The following SASH1 variants were observed in gnomAD, a reference collection of about 807,000 sequenced individuals.
SASH1 encodes SAM and SH3 domain containing 1.
In SASH1, 44 loss-of-function variants were observed where a neutral mutation model predicts 125.2. That is an observed-to-expected ratio of 0.35 (90% CI 0.28 to 0.45). The LOEUF (loss-of-function observed/expected upper bound fraction) is 0.45, where lower values mean the gene tolerates loss of function less well. Among genes scored for constraint, SASH1 ranks in the 20% least tolerant of loss-of-function variants. SASH1 has a pLI of 1.00. For missense variants in SASH1, 1,426 were observed against 1,614.5 expected, an observed-to-expected ratio of 0.88 and a Z score of 2.00; for synonymous variants, 639 against 649.1, an observed-to-expected ratio of 0.98 and a Z score of 0.24.
chr6:148,452,579 T>G (rs1309689228), intron 4 of SASH1, among the ~76,000 whole-genome samples: 1 of 152,192 alleles, frequency 6.6e-6, no homozygotes, highest in Non-Finnish European at 1.5e-5. Flanking sequence ...TTATTCGAAT[T>G]CTTTACGCCT....
At chr6:148,199,688 C>T in the SASH1 span, among the ~76,000 whole-genome samples, 79 of 149,670 alleles carry the variant, frequency 5.3e-4, no homozygotes, top group East Asian at 0.014. Context: ...CAGAGCAAGA[C>T]TTTGTCTTGG....
upstream of SASH1, among the ~76,000 whole-genome samples, chr6:148,337,900 T>G (rs950732900): frequency 6.6e-6 from 1 of 152,192 alleles, no homozygotes; most frequent in Admixed American, 6.5e-5. Context: ...TGTAATCAAC[T>G]TTTGCATCTC....
intron 1 of SASH1, among the ~76,000 whole-genome samples, chr6:148,315,623 G>T (rs1780461019): frequency 6.6e-6 from 1 of 152,172 alleles, no homozygotes; most frequent in Non-Finnish European, 1.5e-5. Context: ...TCAAAACTAG[G>T]CCAGGCACAG....
intron 8 of SASH1, among the ~76,000 whole-genome samples, chr6:148,510,136 C>T (rs1480873549): frequency 4.6e-5 from 7 of 152,186 alleles, no homozygotes; most frequent in Admixed American, 3.3e-4. Flanking sequence ...AGAAATGAAA[C>T]ACTTAAGCAT....
intron 1 of SASH1, among the ~76,000 whole-genome samples, chr6:148,351,191 G>GTTT (rs67285564): frequency 1.6e-4 from 16 of 102,150 alleles, no homozygotes; most frequent in Non-Finnish European, 2.4e-4. Flanking sequence ...TGCGATAGTA[G>GTTT]TTTTTTTTTT....
intron 1 of SASH1, chr6:148,272,518 T>C: frequency 6.0e-6 from 2 of 335,814 alleles, no homozygotes; most frequent in Non-Finnish European, 6.7e-6. Flanking sequence ...GTGCTACTGA[T>C]GAATTCATCA....
chr6:148,340,981 T>A (rs1271632025), upstream of SASH1, among the ~76,000 whole-genome samples: 6 of 152,008 alleles, frequency 3.9e-5, no homozygotes, highest in Admixed American at 2.6e-4. Flanking sequence ...ATAAAAAATT[T>A]AAAAAATTAG....
rs138989230 is a variant in SASH1 at position 148,515,676 on chromosome 6, T to G, written c.862+1220T>G. Among the ~76,000 whole-genome samples the G allele has an allele frequency of 1.6e-3, 250 of 152,300 alleles. 1 individual carries two copies. The highest frequency in any genetic ancestry group is 5.8e-3 in the African/African-American group (240 of 41,556). On this transcript the variant is annotated intron_variant, in intron 9 of 19. Coordinates refer to ENST00000367467, the MANE Select transcript of SASH1 (RefSeq NM_015278.5). ...TTTGGATGCAATGCTGATTTTACAT[T>G]TGGGTGTTTTAATACCTGCCCGCCA... is the stretch of plus-strand genomic sequence containing the variant.
intron 1 of SASH1, among the ~76,000 whole-genome samples, chr6:148,358,733 G>GTTTTTTTTTTTTTTTTTT (rs10673654): frequency 8.3e-6 from 1 of 120,922 alleles, no homozygotes; most frequent in Non-Finnish European, 1.7e-5. Context: ...CCATGTTTTT[G>GTTTTTTTTTTTTTTTTTT]TTTTTTTTTT....
chr6:148,535,375 C>T (rs1275275788), intron 16 of SASH1, among the ~76,000 whole-genome samples: 1 of 152,196 alleles, frequency 6.6e-6, no homozygotes, highest in Non-Finnish European at 1.5e-5. Context: ...GCCATTGGGA[C>T]AGCTGAGCAC....
At chr6:148,504,522 G>C (rs1161742789) in intron 8 of SASH1, among the ~76,000 whole-genome samples, 1 of 152,154 alleles carries the variant, frequency 6.6e-6, no homozygotes, top group Non-Finnish European at 1.5e-5. Context: ...AACAGGACCA[G>C]CAGTGGCCTT....
At chr6:148,368,770 G>GCGCACACACACA (rs1554245330) in intron 1 of SASH1, among the ~76,000 whole-genome samples, 2,123 of 135,726 alleles carry the variant, frequency 0.016, 31 homozygotes, top group African/African-American at 0.031. Context: ...GCACGCGCGC[G>GCGCACACACACA]CACACACACA....
intron 1 of SASH1, among the ~76,000 whole-genome samples, chr6:148,350,035 T>C (rs1781671327): frequency 6.6e-6 from 1 of 151,684 alleles, no homozygotes; most frequent in South Asian, 2.1e-4. Context: ...TTAGTAGAGA[T>C]GGGGTTTCAC....
chr6:148,408,384 G>A (rs1057295065), intron 2 of SASH1, among the ~76,000 whole-genome samples: 2 of 152,106 alleles, frequency 1.3e-5, no homozygotes, highest in Non-Finnish European at 2.9e-5. Flanking sequence ...GGGATTACAG[G>A]TGTGAGCCAC....
At chr6:148,536,018 C>CAGAT (rs1396341768) in intron 16 of SASH1, among the ~76,000 whole-genome samples, 1 of 152,184 alleles carries the variant, frequency 6.6e-6, no homozygotes, top group Non-Finnish European at 1.5e-5. Flanking sequence ...CACACACCAT[C>CAGAT]AGATAGATGT....
intron 8 of SASH1, among the ~76,000 whole-genome samples, chr6:148,492,738 T>C (rs1393627368): frequency 6.6e-6 from 1 of 152,048 alleles, no homozygotes; most frequent in Non-Finnish European, 1.5e-5. Flanking sequence ...AGGAAATCTT[T>C]TGAACCCAGG....
At chr6:148,351,199 T>TG (rs1220708504) in intron 1 of SASH1, among the ~76,000 whole-genome samples, 3 of 150,082 alleles carry the variant, frequency 2.0e-5, no homozygotes, top group Non-Finnish European at 3.0e-5. Flanking sequence ...TAGTTTTTTT[T>TG]TTTTTTTTTT....
intron 1 of SASH1, among the ~76,000 whole-genome samples, chr6:148,364,554 G>C (rs141213301): frequency 6.6e-6 from 1 of 152,174 alleles, no homozygotes; most frequent in South Asian, 2.1e-4. Flanking sequence ...TCCTGAGCAC[G>C]TTTAGAGTTC....
Position 148,373,763 on chromosome 6 carries a change from G to A in SASH1, c.157-16371G>A, listed in dbSNP as rs368999370. Among the ~76,000 whole-genome samples the A allele has an allele frequency of 5.3e-5, 8 of 152,266 alleles. No individual in the cohort carries two copies. In the East Asian group the frequency reaches 1.2e-3, roughly 22 times the overall value. On this transcript the variant is annotated intron_variant, in intron 1 of 19. Transcript: ENST00000367467. ...GGTGGGGGGGATCACTTGAGGTCAG[G>A]AGTTCGAGACCAGCCTGGCCAACAT...
Sources: allele counts gnomAD v4.1 joint callset (sites outside exome capture counted in the v4.1 genomes callset), GRCh38; gene constraint gnomAD v4.1.1; transcripts MANE v1.5; gene names NCBI Gene and HGNC (gene_info 2026-07-23, HGNC 2026-07-21).